The following DISC1 variants were observed in gnomAD, a reference collection of about 807,000 sequenced individuals.
The protein encoded by DISC1 is disrupted in schizophrenia 1 protein.
DISC1 carries 57 observed loss-of-function variants against 84.5 expected under a neutral mutation model. That is an observed-to-expected ratio of 0.67 (90% CI 0.55 to 0.84). The LOEUF (loss-of-function observed/expected upper bound fraction) is 0.84. Ranked by LOEUF, DISC1 falls within the 40% of genes least tolerant of loss-of-function variation. The pLI, the probability that DISC1 is intolerant of heterozygous loss-of-function variation, is 0.00. For synonymous variants in DISC1, 411 were observed against 415.2 expected, an observed-to-expected ratio of 0.99 and a Z score of 0.12; for missense variants, 1,000 against 1,057.8, an observed-to-expected ratio of 0.95 and a Z score of 0.76.
intron 1 of DISC1, among the ~76,000 whole-genome samples, chr1:231,657,719 A>T (rs890237937): frequency 6.6e-6 from 1 of 152,174 alleles, no homozygotes; most frequent in African/African-American, 2.4e-5. Flanking sequence ...CTCTCTCAGC[A>T]CCATTTATTA....
intron 9 of DISC1, among the ~76,000 whole-genome samples, chr1:231,864,760 A>T (rs1465227571): frequency 6.6e-6 from 1 of 152,202 alleles, no homozygotes; most frequent in African/African-American, 2.4e-5. Flanking sequence ...AGAAAGGTAG[A>T]TGTTAAGAAG....
intron 9 of DISC1, among the ~76,000 whole-genome samples, chr1:231,883,478 C>T (rs991949871): frequency 1.3e-5 from 2 of 152,058 alleles, no homozygotes; most frequent in Non-Finnish European, 2.9e-5. Flanking sequence ...CCATGTGGGG[C>T]AGGTCAGAGA....
chr1:231,872,040 C>G (rs542922189), intron 9 of DISC1, among the ~76,000 whole-genome samples: 52 of 152,304 alleles, frequency 3.4e-4, no homozygotes, highest in African/African-American at 9.4e-4. Context: ...GGCCCTCAGC[C>G]GTGCACTGGG....
intron 9 of DISC1, among the ~76,000 whole-genome samples, chr1:231,868,756 G>A (rs1192470888): frequency 1.4e-5 from 2 of 142,764 alleles, no homozygotes; most frequent in African/African-American, 2.5e-5. Context: ...ATGATGGTAA[G>A]CAACCATAGT....
At chr1:231,763,535 G>A (rs2075943454) in intron 4 of DISC1, among the ~76,000 whole-genome samples, 1 of 152,182 alleles carries the variant, frequency 6.6e-6, no homozygotes, top group Non-Finnish European at 1.5e-5. Flanking sequence ...AGGAACAAAA[G>A]CAAGGTTCCT....
chr1:231,777,111 C>T (rs1296473173), intron 6 of DISC1, among the ~76,000 whole-genome samples: 2 of 152,152 alleles, frequency 1.3e-5, no homozygotes, highest in African/African-American at 4.8e-5. Flanking sequence ...GACTGGTTTG[C>T]CAAGACAATG....
intron 3 of DISC1, among the ~76,000 whole-genome samples, chr1:231,724,773 C>G (rs1033225809): frequency 1.3e-5 from 2 of 152,082 alleles, no homozygotes; most frequent in Non-Finnish European, 2.9e-5. Flanking sequence ...TGGCATTTGG[C>G]GTTTGGTTGT....
intron 4 of DISC1, among the ~76,000 whole-genome samples, chr1:231,763,333 G>C (rs1483239682): frequency 6.6e-6 from 1 of 152,178 alleles, no homozygotes; most frequent in Non-Finnish European, 1.5e-5. Context: ...GTGATCAAAA[G>C]ATAACGTCTG....
In DISC1 at chr1:231,698,398, C is replaced by T. The variant is rs1044297930; in HGVS notation, c.1048-3557C>T. Among the ~76,000 whole-genome samples, 4 of 152,110 alleles carry T rather than the reference C, an allele frequency of 2.6e-5. No individual in the cohort carries two copies. Among genetic ancestry groups the T allele is most frequent in the Non-Finnish European group, 5.9e-5 (4 of 68,022 alleles). ...AGATGGTAATAAAGGTAGTTGGTGA[C>T]CAGGCATGCAGAGGAGGGGAAGTGG... On this transcript the variant is annotated intron_variant, in intron 2 of 12. Coordinates refer to ENST00000439617, the MANE Select transcript of DISC1 (RefSeq NM_018662.3). The surrounding 1 kb of genome is among the most constrained non-coding windows in gnomAD (Gnocchi z 4.9).
chr1:231,948,950 A>G (rs994370041), intron 9 of DISC1, among the ~76,000 whole-genome samples: 5 of 145,110 alleles, frequency 3.4e-5, no homozygotes, highest in African/African-American at 1.3e-4. Context: ...GCTCACTGCA[A>G]CCTCCGCCTC....
intron 10 of DISC1, among the ~76,000 whole-genome samples, chr1:231,999,055 C>A (rs1666323990): frequency 6.6e-6 from 1 of 151,498 alleles, no homozygotes; most frequent in Non-Finnish European, 1.5e-5. Context: ...TACCAGAAGA[C>A]AAAAATATAA....
chr1:231,666,480 G>A (rs1226254347), intron 1 of DISC1, among the ~76,000 whole-genome samples: 1 of 152,120 alleles, frequency 6.6e-6, no homozygotes, highest in Non-Finnish European at 1.5e-5. Flanking sequence ...AATAAAATAT[G>A]ACAATCAGTG....
At chr1:232,022,557 C>T (rs1669058436) in intron 11 of DISC1, among the ~76,000 whole-genome samples, 1 of 152,092 alleles carries the variant, frequency 6.6e-6, no homozygotes, top group South Asian at 2.1e-4. Flanking sequence ...CCACCTGCCT[C>T]GGCCTCCCAA....
At chr1:231,881,181 A>G (rs1289839593) in intron 9 of DISC1, among the ~76,000 whole-genome samples, 1 of 152,248 alleles carries the variant, frequency 6.6e-6, no homozygotes, top group Non-Finnish European at 1.5e-5. Flanking sequence ...GCAGGGCACC[A>G]CAGTCACCAA....
At chr1:231,769,541 C>T (rs578220461) in intron 5 of DISC1, among the ~76,000 whole-genome samples, 6 of 152,298 alleles carry the variant, frequency 3.9e-5, no homozygotes, top group Non-Finnish European at 5.9e-5. Context: ...TTCCACTTGT[C>T]TGAGTTACCT....
At chr1:232,018,080 G>A (rs1437468033) in intron 11 of DISC1, among the ~76,000 whole-genome samples, 1 of 151,626 alleles carries the variant, frequency 6.6e-6, no homozygotes, top group Non-Finnish European at 1.5e-5. Flanking sequence ...AGTAGAATTG[G>A]CAGCCACAGT....
At chr1:231,818,214 A>G in intron 8 of DISC1, 115 bp from the exon 9 acceptor site, 1 of 1,063,162 alleles carries the variant, frequency 9.4e-7, no homozygotes, top group Admixed American at 1.7e-5. Context: ...ACATAATCTC[A>G]AAGTGCAGTT....
At chr1:231,720,291 C>T (rs1036021267) in intron 3 of DISC1, among the ~76,000 whole-genome samples, 1 of 152,120 alleles carries the variant, frequency 6.6e-6, no homozygotes, top group African/African-American at 2.4e-5. Context: ...CTGTCTTCCT[C>T]TCCTCTTTGC....
intron 3 of DISC1, chr1:231,720,746 C>G: frequency 1.1e-6 from 1 of 924,420 alleles, no homozygotes; most frequent in Non-Finnish European, 1.5e-6. Context: ...TGCATGAGGG[C>G]TAAAATGTGA....
Sources: allele counts gnomAD v4.1 joint callset (sites outside exome capture counted in the v4.1 genomes callset), GRCh38; gene constraint gnomAD v4.1.1; non-coding constraint Gnocchi (gnomAD v3.1); transcripts MANE v1.5; gene names NCBI Gene and HGNC (gene_info 2026-07-23, HGNC 2026-07-21).